The following FAM120B variants were observed in gnomAD, a reference collection of about 807,000 sequenced individuals.
FAM120B encodes the protein family with sequence similarity 120 member B.
In FAM120B, 83 loss-of-function variants were observed where a neutral mutation model predicts 96.3. That is an observed-to-expected ratio of 0.86 (90% CI 0.72 to 1.03). The LOEUF (loss-of-function observed/expected upper bound fraction) is 1.03. Ranked by LOEUF, FAM120B falls within the 50% of genes least tolerant of loss-of-function variation. FAM120B has a pLI of 0.00. For missense variants in FAM120B, 1,027 were observed against 1,121.2 expected, an observed-to-expected ratio of 0.92 and a Z score of 1.20; for synonymous variants, 407 against 402.7, an observed-to-expected ratio of 1.01 and a Z score of -0.13.
upstream of FAM120B, among the ~76,000 whole-genome samples, chr6:170,304,452 C>G (rs191252183): frequency 6.6e-6 from 1 of 152,152 alleles, no homozygotes; most frequent in African/African-American, 2.4e-5. Context: ...TGGGCCCTTT[C>G]GATACGAGAA....
chr6:170,339,043 A>T (rs1786637969), intron 4 of FAM120B, among the ~76,000 whole-genome samples: 1 of 150,610 alleles, frequency 6.6e-6, no homozygotes, highest in African/African-American at 2.4e-5. Flanking sequence ...TAATATTGTT[A>T]TGTGTCATCA....
At chr6:170,306,170 C>A (rs1355517263), upstream of FAM120B, among the ~76,000 whole-genome samples, 1 of 152,228 alleles carries the variant, frequency 6.6e-6, no homozygotes, top group Non-Finnish European at 1.5e-5. Context: ...GAACACCCGG[C>A]CGAGAAGTGC....
intron 8 of FAM120B, among the ~76,000 whole-genome samples, chr6:170,392,404 C>T (rs1394226010): frequency 6.6e-6 from 1 of 152,190 alleles, no homozygotes; most frequent in Non-Finnish European, 1.5e-5. Flanking sequence ...GAAGGGGTTT[C>T]ACCATGTTGG....
At chr6:170,325,768 G>C (rs1394827449) in intron 3 of FAM120B, among the ~76,000 whole-genome samples, 2 of 151,488 alleles carry the variant, frequency 1.3e-5, no homozygotes, top group East Asian at 1.9e-4. Context: ...TTGAGCCCAG[G>C]AGACAGAGGT....
intron 6 of FAM120B, among the ~76,000 whole-genome samples, chr6:170,361,202 A>ACG (rs1285320350): frequency 1.4e-5 from 1 of 73,858 alleles, no homozygotes; most frequent in Admixed American, 1.3e-4. Flanking sequence ...ATACGTGTAT[A>ACG]TATATATATA....
intron 8 of FAM120B, among the ~76,000 whole-genome samples, chr6:170,392,739 A>G (rs1790538767): frequency 6.6e-6 from 1 of 152,092 alleles, no homozygotes; most frequent in South Asian, 2.1e-4. Flanking sequence ...GTTTCGTGTC[A>G]TGGGGGGAGT....
chr6:170,291,280 G>C (rs1783864492), upstream of FAM120B, among the ~76,000 whole-genome samples: 1 of 151,906 alleles, frequency 6.6e-6, no homozygotes, highest in Non-Finnish European at 1.5e-5. Context: ...CGCCCTCCCG[G>C]GCCACAGACG....
At chr6:170,362,981 G>A (rs1788559832) in intron 6 of FAM120B, among the ~76,000 whole-genome samples, 1 of 152,110 alleles carries the variant, frequency 6.6e-6, no homozygotes, top group Admixed American at 6.5e-5. Context: ...CACCACCGTG[G>A]CAATGATGAT....
chr6:170,392,754 G>A (rs1005642909), intron 8 of FAM120B, among the ~76,000 whole-genome samples: 26 of 152,068 alleles, frequency 1.7e-4, no homozygotes, highest in African/African-American at 6.0e-4. Flanking sequence ...GGGAGTAGCC[G>A]CCTCAGATGC....
chr6:170,376,609 C>G (rs527396646), intron 6 of FAM120B, among the ~76,000 whole-genome samples: 5 of 152,304 alleles, frequency 3.3e-5, no homozygotes, highest in East Asian at 1.9e-4. Context: ...GGGCCTGAAC[C>G]TTGGTCACTG....
At chr6:170,339,524 C>T (rs1786671100) in intron 4 of FAM120B, among the ~76,000 whole-genome samples, 1 of 151,850 alleles carries the variant, frequency 6.6e-6, no homozygotes, top group Admixed American at 6.6e-5. Flanking sequence ...CGGGGTGGCT[C>T]ATGCCTGTAA....
intron 5 of FAM120B, among the ~76,000 whole-genome samples, chr6:170,358,017 T>C (rs902529989): frequency 1.3e-5 from 2 of 151,210 alleles, no homozygotes; most frequent in African/African-American, 4.9e-5. Flanking sequence ...TGTGTGCCCA[T>C]GTGTGTGTGC....
At chr6:170,314,826 A>G (rs1478342902) in intron 1 of FAM120B, among the ~76,000 whole-genome samples, 1 of 152,274 alleles carries the variant, frequency 6.6e-6, no homozygotes, top group East Asian at 1.9e-4. Flanking sequence ...ATCCTCTAAT[A>G]TCACAAGTTC....
At position 170,319,072 on chromosome 6, in the gene FAM120B, G is replaced by A. The variant is rs753472167; in HGVS notation, c.1682G>A (p.Gly561Glu). The A allele has an allele frequency of 1.3e-6, 2 of 1,589,780 alleles. No individual in the cohort carries two copies. Among genetic ancestry groups the A allele is most frequent in the African/African-American group, 1.4e-5 (1 of 73,668 alleles). The change falls in exon 2 of 11, where the codon GGG (glycine) becomes GAG (glutamate). Residue 561 changes from glycine to glutamate, a missense_variant. Coordinates refer to ENST00000476287, the MANE Select transcript of FAM120B (RefSeq NM_032448.3). ...EIKQEDPTNV[G>E]PEVKQQVTMV... ...AAACAAGAAGACCCCACAAATGTGG[G>A]GCCTGAAGTAAAGCAACAAGTAACC... is the stretch of plus-strand genomic sequence containing the variant.
intron 4 of FAM120B, among the ~76,000 whole-genome samples, chr6:170,345,305 C>T (rs773539395): frequency 2.0e-5 from 3 of 152,166 alleles, no homozygotes; most frequent in Non-Finnish European, 4.4e-5. Flanking sequence ...CTCTCTTTGA[C>T]CTTCAGAACT....
rs555840054 is a variant in FAM120B, at chr6:170,351,646, A to T, written c.2190+3323A>T. 2.4e-4 allele frequency among the ~76,000 whole-genome samples: 37 copies of T among 152,358 alleles called. No homozygotes were observed. The East Asian group carries it at 6.9e-3, about 29-fold the overall frequency. On this transcript the variant is annotated intron_variant, in intron 5 of 10. Coordinates refer to ENST00000476287, the MANE Select transcript of FAM120B (RefSeq NM_032448.3). ...AAGAGATTGAGTGCCAATACTCAAC[A>T]TTCTTAAGAATTTCCAACCCAGAAT...
intron 6 of FAM120B, among the ~76,000 whole-genome samples, chr6:170,361,195 C>CGTGT (rs1491313840): frequency 0.014 from 385 of 26,856 alleles, 18 homozygotes; most frequent in African/African-American, 0.039. Flanking sequence ...TATATATATA[C>CGTGT]GTGTATATAT....
chr6:170,386,330 C>T (rs1028996430), intron 6 of FAM120B, among the ~76,000 whole-genome samples: 1 of 152,020 alleles, frequency 6.6e-6, no homozygotes. Context: ...AACTGATAAA[C>T]CTGTTACTAA....
intron 5 of FAM120B, among the ~76,000 whole-genome samples, chr6:170,352,896 C>G (rs1036483794): frequency 6.6e-6 from 1 of 151,852 alleles, no homozygotes; most frequent in Non-Finnish European, 1.5e-5. Context: ...CAGAGCTGAA[C>G]TGAAGGAGAT....
Sources: allele counts gnomAD v4.1 joint callset (sites outside exome capture counted in the v4.1 genomes callset), GRCh38; gene constraint gnomAD v4.1.1; transcripts MANE v1.5; gene names NCBI Gene and HGNC (gene_info 2026-07-23, HGNC 2026-07-21).